The following SGPP2 variants were observed in gnomAD, a reference collection of about 807,000 sequenced individuals.
SGPP2 encodes the protein sphingosine 1-phosphate phosphohydrolase 2.
A neutral mutation model predicts 33.9 loss-of-function variants in SGPP2; 30 were observed. The observed-to-expected ratio is 0.89, with a 90% confidence interval of 0.66 to 1.20. The LOEUF (loss-of-function observed/expected upper bound fraction) is 1.20. SGPP2 is among the 50% of genes most tolerant of loss of function. The pLI is 0.00. For synonymous variants in SGPP2, 233 were observed against 225.0 expected, an observed-to-expected ratio of 1.04 and a Z score of -0.32; for missense variants, 458 against 532.1, an observed-to-expected ratio of 0.86 and a Z score of 1.37.
chr2:222,522,313 TA>T (rs11357630), intron 3 of SGPP2, among the ~76,000 whole-genome samples: 65,225 of 151,942 alleles, frequency 0.43, 16,455 homozygotes, highest in East Asian at 0.8. Context: ...TATGTCCTAG[TA>T]AATGATTCTC....
chr2:222,457,563 A>AT (rs1257165877), intron 1 of SGPP2, among the ~76,000 whole-genome samples: 4 of 152,240 alleles, frequency 2.6e-5, no homozygotes, highest in Non-Finnish European at 5.9e-5. Flanking sequence ...AAACCATTAA[A>AT]TATAATGTTT....
chr2:222,434,657 T>C (rs1160532542), intron 1 of SGPP2, among the ~76,000 whole-genome samples: 1 of 152,184 alleles, frequency 6.6e-6, no homozygotes, highest in African/African-American at 2.4e-5. Flanking sequence ...TTCTGTCATC[T>C]CAGGGTATGT....
chr2:222,435,524 C>T (rs1697226209), intron 1 of SGPP2, among the ~76,000 whole-genome samples: 1 of 152,256 alleles, frequency 6.6e-6, no homozygotes, highest in East Asian at 1.9e-4. Flanking sequence ...CTCCTGAGAT[C>T]ATATGTAATC....
chr2:222,470,885 ACCTGCCGAGATTAGT>A (rs1322208514), intron 1 of SGPP2, among the ~76,000 whole-genome samples: 1 of 152,186 alleles, frequency 6.6e-6, no homozygotes, highest in Non-Finnish European at 1.5e-5. Context: ...TGTAAACAGA[ACCTGCCGAGATTAGT>A]CCTTACCTCA....
chr2:222,479,367 G>GTGCTCTGCT (rs375242165), intron 2 of SGPP2, among the ~76,000 whole-genome samples: 364 of 148,146 alleles, frequency 2.5e-3, no homozygotes, highest in African/African-American at 8.3e-3. Context: ...TATTAACCCT[G>GTGCTCTGCT]TGCTCTGCTT....
chr2:222,497,250 CT>C lies in SGPP2; in HGVS notation c.378+22545del, dbSNP rs57363978. Among the ~76,000 whole-genome samples the C allele has an allele frequency of 3.9e-3, 467 of 118,540 alleles. 2 individuals are homozygous for C. The highest frequency in any genetic ancestry group is 0.013 in the African/African-American group (430 of 32,012). The allele number at this position is 118,540 out of a possible 152,430, so 77.8% of individuals were successfully genotyped here. A position where few individuals can be genotyped will look rare whatever the true frequency, so the allele number is the denominator to read the frequency against. ...GAAAAGAGTGTCAGATCTCTTTCTT[CT>C]TTTTTTTTTTTTTTTTTTTTAGACG... is the stretch of plus-strand genomic sequence containing the variant. On this transcript the variant is annotated intron_variant, in intron 2 of 4. Transcript: ENST00000321276.
At chr2:222,454,491 G>A (rs189358429) in intron 1 of SGPP2, among the ~76,000 whole-genome samples, 2 of 152,326 alleles carry the variant, frequency 1.3e-5, no homozygotes, top group African/African-American at 4.8e-5. Context: ...TTCTGAAGTG[G>A]TCTGTTATGA....
chr2:222,501,668 T>C (rs1033935835), intron 2 of SGPP2, among the ~76,000 whole-genome samples: 14 of 152,156 alleles, frequency 9.2e-5, no homozygotes, highest in Admixed American at 3.9e-4. Context: ...GTGAGTGAGG[T>C]GCGTTCACAT....
At chr2:222,443,550 A>C (rs1315421501) in intron 1 of SGPP2, among the ~76,000 whole-genome samples, 1 of 152,228 alleles carries the variant, frequency 6.6e-6, no homozygotes, top group Non-Finnish European at 1.5e-5. Flanking sequence ...AAAAGGAATA[A>C]TGACAATTTT....
chr2:222,549,794 G>A (rs1689260708), intron 4 of SGPP2, among the ~76,000 whole-genome samples: 1 of 151,578 alleles, frequency 6.6e-6, no homozygotes, highest in Admixed American at 6.6e-5. Context: ...ATGGCAAACT[G>A]AATTAAAGGT....
intron 4 of SGPP2, among the ~76,000 whole-genome samples, chr2:222,525,590 C>G (rs1698746315): frequency 6.6e-6 from 1 of 152,160 alleles, no homozygotes; most frequent in South Asian, 2.1e-4. Flanking sequence ...AAATATTTTC[C>G]AGGGCCGCCA....
chr2:222,474,419 A>G, intron 1 of SGPP2, 149 bp from the exon 2 acceptor site: 1 of 615,256 alleles, frequency 1.6e-6, no homozygotes, highest in Non-Finnish European at 2.7e-6. Context: ...TGAGGTTGAA[A>G]AGTGTTCAGC....
At chr2:222,484,305 A>G (rs749586372) in intron 2 of SGPP2, among the ~76,000 whole-genome samples, 16 of 152,050 alleles carry the variant, frequency 1.1e-4, no homozygotes, top group East Asian at 1.9e-4. Context: ...TAAGACTGCA[A>G]TGCTGTTGGT....
intron 1 of SGPP2, among the ~76,000 whole-genome samples, chr2:222,462,409 C>T (rs1186658577): frequency 6.6e-6 from 1 of 152,114 alleles, no homozygotes; most frequent in Admixed American, 6.5e-5. Flanking sequence ...GACTCATGCT[C>T]ACGTCAACAC....
intron 1 of SGPP2, among the ~76,000 whole-genome samples, chr2:222,454,109 AAGG>A (rs758724492): frequency 6.6e-6 from 1 of 152,224 alleles, no homozygotes; most frequent in Non-Finnish European, 1.5e-5. Context: ...CCTCTCTAGC[AAGG>A]AGGTCCTTTT....
chr2:222,489,539 A>G (rs945537187), intron 2 of SGPP2, among the ~76,000 whole-genome samples: 8 of 152,014 alleles, frequency 5.3e-5, no homozygotes, highest in Non-Finnish European at 1.0e-4. Context: ...TATACCATAG[A>G]AAGCTTTTAG....
At chr2:222,471,830 C>T (rs1009477057) in intron 1 of SGPP2, among the ~76,000 whole-genome samples, 39 of 152,034 alleles carry the variant, frequency 2.6e-4, no homozygotes, top group Admixed American at 2.4e-3. Context: ...ATAAAGTTTA[C>T]GACTACCTTA....
At chr2:222,503,272 A>G (rs1865893) in intron 2 of SGPP2, among the ~76,000 whole-genome samples, 132,151 of 152,238 alleles carry the variant, frequency 0.87, 58,376 homozygotes, top group East Asian at 1. Flanking sequence ...GGTTGTAGCT[A>G]AAACTATATG....
At chr2:222,534,823 A>G (rs1698889486) in intron 4 of SGPP2, among the ~76,000 whole-genome samples, 1 of 152,212 alleles carries the variant, frequency 6.6e-6, no homozygotes, top group Admixed American at 6.5e-5. Flanking sequence ...TTGTAAAAAT[A>G]GGGAATTATT....
Sources: allele counts gnomAD v4.1 joint callset (sites outside exome capture counted in the v4.1 genomes callset), GRCh38; gene constraint gnomAD v4.1.1; transcripts MANE v1.5; gene names NCBI Gene and HGNC (gene_info 2026-07-23, HGNC 2026-07-21).